CLYBL: variants seen among roughly 807,000 people sequenced by gnomAD.
CLYBL encodes citramalyl-CoA lyase.
CLYBL carries 31 observed loss-of-function variants against 38.9 expected under a neutral mutation model. That is an observed-to-expected ratio of 0.80 (90% CI 0.60 to 1.08). The LOEUF is 1.08. Among genes scored for constraint, CLYBL ranks in the 50% least tolerant of loss-of-function variants. The pLI is 0.00. For missense variants in CLYBL, 434 were observed against 411.6 expected, an observed-to-expected ratio of 1.05 and a Z score of -0.47; for synonymous variants, 171 against 158.6, an observed-to-expected ratio of 1.08 and a Z score of -0.59.
rs181617754 is a variant in CLYBL, at chr13:99,789,176, G to T, written c.249+16166G>T. On this transcript the variant is annotated intron_variant, in intron 2 of 8. Coordinates refer to ENST00000339105, the MANE Select transcript of CLYBL (RefSeq NM_206808.5). Reference sequence around the variant, plus strand: ...CGTGGATTCATTGATTTTTTGAAGGGTTTTTTGTGTCTCTGTCTTCTTCAG... The same window carrying T: ...CGTGGATTCATTGATTTTTTGAAGGTTTTTTTGTGTCTCTGTCTTCTTCAG... Among the ~76,000 whole-genome samples, 47 of 152,212 alleles carry T rather than the reference G, an allele frequency of 3.1e-4. 1 individual carries two copies. The East Asian group carries it at 8.7e-3, about 28-fold the overall frequency.
At chr13:99,629,286 C>T (rs2046910989) in intron 1 of CLYBL, among the ~76,000 whole-genome samples, 1 of 152,324 alleles carries the variant, frequency 6.6e-6, no homozygotes, top group South Asian at 2.1e-4. Context: ...TGAAGAAAAC[C>T]AGATGATTAG....
At chr13:99,608,847 CTTTTTTTTTTTTTT>C (rs57961216) in intron 1 of CLYBL, among the ~76,000 whole-genome samples, 32,470 of 88,264 alleles carry the variant, frequency 0.37, 3,719 homozygotes, top group Middle Eastern at 0.45. Context: ...AGTGATGAGT[CTTTTTTTTTTTTTT>C]TTTTTTTTTT....
At chr13:99,846,347 AG>A (rs1167872928) in intron 2 of CLYBL, among the ~76,000 whole-genome samples, 1 of 137,894 alleles carries the variant, frequency 7.3e-6, no homozygotes, top group Non-Finnish European at 1.5e-5. Context: ...GCTGGAGTGC[AG>A]TGTCATGATC....
chr13:99,888,518 G>A (rs56022781), intron 7 of CLYBL, among the ~76,000 whole-genome samples: 5,761 of 152,214 alleles, frequency 0.038, 346 homozygotes, highest in African/African-American at 0.13. Flanking sequence ...GGGAGGCCGA[G>A]GTGGGCAGAT....
intron 2 of CLYBL, among the ~76,000 whole-genome samples, chr13:99,811,781 C>A (rs1235506021): frequency 6.6e-6 from 1 of 152,188 alleles, no homozygotes; most frequent in Non-Finnish European, 1.5e-5. Flanking sequence ...AGCTTCTGAA[C>A]CCAGTTCCCT....
At chr13:99,826,136 C>T (rs1019635053) in intron 2 of CLYBL, among the ~76,000 whole-genome samples, 2 of 152,096 alleles carry the variant, frequency 1.3e-5, no homozygotes, top group South Asian at 2.1e-4. Context: ...CTATAGTACC[C>T]GGTTATTTAA....
intron 2 of CLYBL, among the ~76,000 whole-genome samples, chr13:99,857,271 C>T (rs956210072): frequency 1.3e-5 from 2 of 151,954 alleles, no homozygotes; most frequent in Admixed American, 6.6e-5. Context: ...GCCGAGATTG[C>T]GCCACTGCAC....
intron 2 of CLYBL, among the ~76,000 whole-genome samples, chr13:99,786,769 G>T (rs78435683): frequency 4.0e-5 from 6 of 151,610 alleles, no homozygotes; most frequent in African/African-American, 1.5e-4. Flanking sequence ...CTAGATGCTT[G>T]AGGAATCGCC....
intron 2 of CLYBL, among the ~76,000 whole-genome samples, chr13:99,777,111 T>C (rs1011440579): frequency 1.3e-5 from 2 of 152,062 alleles, no homozygotes; most frequent in Non-Finnish European, 2.9e-5. Context: ...ACTCCTGACC[T>C]CAGGTGATCT....
intron 1 of CLYBL, among the ~76,000 whole-genome samples, chr13:99,730,909 C>G (rs980463115): frequency 7.3e-5 from 11 of 151,396 alleles, no homozygotes; most frequent in Non-Finnish European, 1.2e-4. Context: ...ATGGTGAAAC[C>G]CCTTCTCTAC....
At chr13:99,699,086 T>G (rs1566613416) in intron 1 of CLYBL, among the ~76,000 whole-genome samples, 1 of 152,174 alleles carries the variant, frequency 6.6e-6, no homozygotes, top group Non-Finnish European at 1.5e-5. Flanking sequence ...AACACTGACA[T>G]TTTAAAAAAT....
At chr13:99,650,057 A>T (rs2047229131) in intron 1 of CLYBL, among the ~76,000 whole-genome samples, 1 of 152,000 alleles carries the variant, frequency 6.6e-6, no homozygotes, top group Non-Finnish European at 1.5e-5. Context: ...AGGTCAGGAG[A>T]TAGAGACCAT....
chr13:99,746,520 T>G (rs941646566), intron 1 of CLYBL, among the ~76,000 whole-genome samples: 14 of 152,170 alleles, frequency 9.2e-5, no homozygotes, highest in Non-Finnish European at 2.1e-4. Context: ...CTGCACCTGT[T>G]TTTAGAATCA....
rs1861640265 is a variant in CLYBL at position 99,826,797 on chromosome 13, T to C, written c.250-32064T>C. Among the ~76,000 whole-genome samples, 3 of 152,362 alleles carry C rather than the reference T, an allele frequency of 2.0e-5. No homozygotes were observed. The South Asian group carries it at 6.2e-4, about 32-fold the overall frequency. On this transcript the variant is annotated intron_variant, in intron 2 of 8. Coordinates refer to ENST00000339105, the MANE Select transcript of CLYBL (RefSeq NM_206808.5). ...GTTCTCATCACTGTTCAGCCTCTCC[T>C]TACTCCCTGAGATGCTCGCCCTGTT...
intron 2 of CLYBL, among the ~76,000 whole-genome samples, chr13:99,833,022 ATATATATATTTT>A (rs2050846461): frequency 2.7e-5 from 1 of 37,456 alleles, no homozygotes; most frequent in Non-Finnish European, 5.0e-5. Context: ...ATATATATAT[ATATATATATTTT>A]TTTTTTTTTT....
intron 1 of CLYBL, among the ~76,000 whole-genome samples, chr13:99,753,453 G>T (rs1023107715): frequency 6.6e-6 from 1 of 152,180 alleles, no homozygotes; most frequent in African/African-American, 2.4e-5. Context: ...GCAGAGGTGC[G>T]TGCAAGGCAC....
chr13:99,902,780 A>C (rs1341160396), intron 8 of CLYBL, among the ~76,000 whole-genome samples: 1 of 152,252 alleles, frequency 6.6e-6, no homozygotes, highest in Non-Finnish European at 1.5e-5. Context: ...CCTTCCTTTT[A>C]AGTGAAGCAT....
At chr13:99,674,477 T>C (rs1157668313) in intron 1 of CLYBL, among the ~76,000 whole-genome samples, 1 of 151,762 alleles carries the variant, frequency 6.6e-6, no homozygotes, top group African/African-American at 2.4e-5. Flanking sequence ...TAAGTGGAGG[T>C]ATGAAGTAGG....
At position 99,850,636 on chromosome 13, in the gene CLYBL, C is replaced by T. The variant is rs536144058; in HGVS notation, c.250-8225C>T. Among the ~76,000 whole-genome samples, 12 of 152,242 alleles carry T rather than the reference C, an allele frequency of 7.9e-5. No individual in the cohort carries two copies. In the East Asian group the frequency reaches 1.4e-3, roughly 17 times the overall value. ...TTTGGCAGTTCCTCAAAAAGCTAAACGCAGAATTACTATATGATCCAGCAA... is the reference window on the plus strand; with the variant it reads ...TTTGGCAGTTCCTCAAAAAGCTAAATGCAGAATTACTATATGATCCAGCAA... On this transcript the variant is annotated intron_variant, in intron 2 of 8. Coordinates refer to ENST00000339105, the MANE Select transcript of CLYBL (RefSeq NM_206808.5).
Sources: gnomAD v4.1 joint callset for allele counts (sites outside exome capture counted in the v4.1 genomes callset) on GRCh38, gnomAD v4.1.1 for gene constraint, MANE v1.5 for transcripts, NCBI Gene and HGNC (gene_info 2026-07-23, HGNC 2026-07-21) for gene names.